The following GALC variants were observed in gnomAD, a reference collection of about 807,000 sequenced individuals.
GALC encodes the protein galactosylceramidase.
GALC carries 77 observed loss-of-function variants against 91.8 expected under a neutral mutation model. The observed-to-expected ratio is 0.84, with a 90% CI of 0.70 to 1.01. GALC has a LOEUF of 1.01. Ranked by LOEUF, GALC falls within the 50% of genes least tolerant of loss-of-function variation. The pLI is 0.00. For missense variants in GALC, 882 were observed against 855.9 expected (o/e 1.03, Z -0.38); for synonymous variants, 357 against 306.7 (o/e 1.16, Z -1.71).
chr14:87,992,187 G>T, intron 1 of GALC: 2 of 1,056,240 alleles, frequency 1.9e-6, no homozygotes, highest in Non-Finnish European at 2.8e-6. Context: ...TGAATGTAAG[G>T]ATGCAAGCTC....
intron 10 of GALC, among the ~76,000 whole-genome samples, chr14:87,951,345 T>C (rs1335857511): frequency 1.3e-5 from 2 of 151,934 alleles, no homozygotes; most frequent in East Asian, 1.9e-4. Context: ...AGAATACTTA[T>C]AGTACACAGT....
intron 8 of GALC, 27 bp downstream of exon 8, chr14:87,968,308 A>G (rs980774489): frequency 6.4e-7 from 1 of 1,569,998 alleles, no homozygotes; most frequent in Non-Finnish European, 8.7e-7. Flanking sequence ...TTTTGATAAG[A>G]ACTCTAAAAG....
At chr14:87,967,136 A>T (rs1031496323) in intron 8 of GALC, among the ~76,000 whole-genome samples, 2 of 152,202 alleles carry the variant, frequency 1.3e-5, no homozygotes, top group Non-Finnish European at 2.9e-5. Context: ...AAAAATGATG[A>T]AGTAGAAATA....
chr14:87,952,834 T>A, intron 10 of GALC: 1 of 1,298,246 alleles, frequency 7.7e-7, no homozygotes, highest in Non-Finnish European at 1.1e-6. Context: ...CTGAGTGAGG[T>A]AACGAGCTCT....
At chr14:87,953,584 T>C (rs1885398179) in intron 10 of GALC, 8 of 1,609,676 alleles carry the variant, frequency 5.0e-6, no homozygotes, top group Admixed American at 3.3e-5. Flanking sequence ...AGGAATACTG[T>C]GTTCCCAACT....
chr14:87,936,617 G>A (rs920848211), intron 16 of GALC, among the ~76,000 whole-genome samples: 7 of 151,744 alleles, frequency 4.6e-5, no homozygotes, highest in Admixed American at 1.3e-4. Context: ...TGTTTCGTTC[G>A]CTGCTGTATC....
At position 87,968,410 on chromosome 14, in the gene GALC, G is replaced by A; in HGVS notation, c.833C>T (p.Thr278Ile). Reference sequence around the variant, plus strand: ...GCCTGCACCCATGTCACTATTTAAAGTGCTAAAGTCTTCAGAAGACCAAAG... The same window carrying A: ...GCCTGCACCCATGTCACTATTTAAAATGCTAAAGTCTTCAGAAGACCAAAG... ...KKLWSSEDFS[T>I]LNSDMGAGCW... The change falls in exon 8 of 17, where the codon ACT becomes ATT. Residue 278 changes from threonine (T) to isoleucine (I), a missense_variant. Coordinates refer to ENST00000261304, the MANE Select transcript of GALC (RefSeq NM_000153.4). The A allele has an allele frequency of 2.5e-6, 4 of 1,613,590 alleles. No individual in the cohort carries two copies. Among genetic ancestry groups the A allele is most frequent in the Non-Finnish European group, 3.4e-6 (4 of 1,179,742 alleles).
chr14:87,960,703 G>A (rs1885766315), intron 10 of GALC, among the ~76,000 whole-genome samples: 1 of 152,028 alleles, frequency 6.6e-6, no homozygotes, highest in Non-Finnish European at 1.5e-5. Flanking sequence ...TTTCAACAAG[G>A]ATGCCAAGAC....
At chr14:87,947,686 TAAA>T in intron 13 of GALC, 39 bp downstream of exon 13, 2 of 1,583,290 alleles carry the variant, frequency 1.3e-6, no homozygotes, top group Non-Finnish European at 1.7e-6. Context: ...ACACTACTGT[TAAA>T]TATAGAGACC....
intron 16 of GALC, among the ~76,000 whole-genome samples, chr14:87,935,358 G>T (rs1406993345): frequency 6.6e-6 from 1 of 152,028 alleles, no homozygotes. Flanking sequence ...CCAGCCAGAA[G>T]AAAAATAATT....
intron 8 of GALC, 29 bp from the exon 9 acceptor site, chr14:87,965,658 A>C: frequency 6.2e-7 from 1 of 1,611,740 alleles, no homozygotes; most frequent in Non-Finnish European, 8.5e-7. Context: ...AAGAAACACC[A>C]AGACAACTTG....
intron 7 of GALC, among the ~76,000 whole-genome samples, chr14:87,968,921 G>A (rs1595218841): frequency 1.3e-5 from 2 of 152,076 alleles, no homozygotes; most frequent in South Asian, 2.1e-4. Flanking sequence ...AATAGTAAAC[G>A]AGTGAGGAGG....
intron 7 of GALC, among the ~76,000 whole-genome samples, chr14:87,974,862 A>G (rs1886431561): frequency 6.6e-6 from 1 of 152,090 alleles, no homozygotes; most frequent in East Asian, 1.9e-4. Flanking sequence ...TCAGAGGAAA[A>G]TTCATTACAT....
At chr14:87,973,966 C>T (rs1268986572) in intron 7 of GALC, among the ~76,000 whole-genome samples, 1 of 152,118 alleles carries the variant, frequency 6.6e-6, no homozygotes, top group Non-Finnish European at 1.5e-5. Context: ...AAAAACCAAA[C>T]CTTGCTAAAT....
chr14:87,984,668 A>C, intron 4 of GALC, 135 bp from the exon 5 acceptor site: 1 of 777,876 alleles, frequency 1.3e-6, no homozygotes, highest in South Asian at 1.6e-5. Context: ...AGGAAAGTTT[A>C]TATACCATAT....
At chr14:87,986,190 C>T (rs1886961490) in intron 4 of GALC, among the ~76,000 whole-genome samples, 1 of 152,098 alleles carries the variant, frequency 6.6e-6, no homozygotes, top group Non-Finnish European at 1.5e-5. Context: ...ACCGATTTTG[C>T]CATTTACTAA....
rs116048920 is a variant in GALC at position 87,969,998 on chromosome 14, A to G, written c.753-1508T>C. ...ATCTACACTACAAAGATACCAACAG[A>G]AATCTAGCATCTAACAGGGTTAAGC... is the stretch of plus-strand genomic sequence containing the variant. On this transcript the variant is annotated intron_variant, in intron 7 of 16. Transcript: ENST00000261304. 2.3e-3 allele frequency among the ~76,000 whole-genome samples: 349 copies of G among 152,334 alleles called. 1 individual carries two copies. The highest frequency in any genetic ancestry group is 8.1e-3 in the African/African-American group (336 of 41,582).
intron 10 of GALC, among the ~76,000 whole-genome samples, chr14:87,955,541 T>C (rs887396776): frequency 1.3e-5 from 2 of 150,106 alleles, no homozygotes; most frequent in Non-Finnish European, 3.0e-5. Flanking sequence ...AGGGAAGACA[T>C]TCCCTCAGAA....
intron 10 of GALC, chr14:87,954,030 G>C (rs1306009569): frequency 1.9e-6 from 3 of 1,609,690 alleles, no homozygotes; most frequent in Non-Finnish European, 2.5e-6. Context: ...TATTCATGAG[G>C]ACCAATGGGT....
Sources: gnomAD v4.1 joint callset for allele counts (sites outside exome capture counted in the v4.1 genomes callset) on GRCh38, gnomAD v4.1.1 for gene constraint, MANE v1.5 for transcripts, NCBI Gene and HGNC (gene_info 2026-07-23, HGNC 2026-07-21) for gene names.